Variants in BANP observed in about 807,000 individuals in gnomAD.
BANP encodes BTG3 associated nuclear protein, also known as protein BANP.
BANP carries 11 observed loss-of-function variants against 68.1 expected under a neutral mutation model. The ratio of observed to expected loss-of-function variants is 0.16; its 90% CI spans 0.10 to 0.27. The LOEUF is 0.27. Among genes scored for constraint, BANP ranks in the 10% least tolerant of loss-of-function variants. The probability of loss-of-function intolerance (pLI) is 1.00; values close to 1 mark genes in which losing one functional copy is unlikely to be tolerated. For missense variants in BANP, 504 were observed against 722.7 expected, an observed-to-expected ratio of 0.70 and a Z score of 3.47; for synonymous variants, 329 against 303.2, an observed-to-expected ratio of 1.09 and a Z score of -0.88.
rs1229095012 is a variant in BANP at position 88,036,651 on chromosome 16, G to A, written c.1272+1257G>A. Among the ~76,000 whole-genome samples, 5 of 152,146 alleles carry A rather than the reference G, an allele frequency of 3.3e-5. No individual in the cohort carries two copies. The highest frequency in any genetic ancestry group is 2.1e-4 in the South Asian group (1 of 4,824). ...GAGGATGAGGTGAAAGGGGAGGAAC[G>A]AATTCATGTGGGGGCCGTGAGCGAC... On this transcript the variant is annotated intron_variant, in intron 10 of 13. Coordinates refer to ENST00000682872, the MANE Select transcript of BANP (RefSeq NM_001386991.1). The surrounding 1 kb of genome is among the most constrained non-coding windows in gnomAD (Gnocchi z 4.2).
intron 7 of BANP, among the ~76,000 whole-genome samples, chr16:88,023,813 AG>A (rs2076467799): frequency 6.6e-6 from 1 of 152,236 alleles, no homozygotes; most frequent in African/African-American, 2.4e-5. Context: ...TGGGGACTGC[AG>A]AACAGCTCGC....
In BANP at chr16:88,076,879, GGT is replaced by G. The variant is rs1567964544; in HGVS notation, c.*221_*222del. The G allele has an allele frequency of 1.8e-6, 1 of 548,764 alleles. No individual in the cohort carries two copies. The highest frequency in any genetic ancestry group is 3.2e-6 in the Non-Finnish European group (1 of 311,312). 34.0% of individuals were successfully genotyped at this position (548,764 alleles called of 1,614,324 possible). Reference sequence around the variant, plus strand: ...CCCCTTTCGTTTGAGTCCTGCTGTTGGTGTCGGAGCACGAGGGGAGGCACGGT... The same window carrying G: ...CCCCTTTCGTTTGAGTCCTGCTGTTGGTCGGAGCACGAGGGGAGGCACGGT... On this transcript the variant is annotated 3_prime_UTR_variant, in exon 14 of 14. Transcript: ENST00000682872.
At chr16:88,008,255 G>C (rs1201162097) in intron 6 of BANP, among the ~76,000 whole-genome samples, 4 of 152,086 alleles carry the variant, frequency 2.6e-5, no homozygotes, top group African/African-American at 9.7e-5. Context: ...TGCACTTTTT[G>C]GCTGTTGTCA....
chr16:87,988,541 G>A (rs1356876576), intron 4 of BANP, among the ~76,000 whole-genome samples: 15 of 151,974 alleles, frequency 9.9e-5, no homozygotes, highest in East Asian at 1.9e-4. Flanking sequence ...CTGGGATTAC[G>A]GGTGTGAGCC....
chr16:87,995,209 G>A (rs1003196264), intron 4 of BANP, among the ~76,000 whole-genome samples: 13 of 152,262 alleles, frequency 8.5e-5, no homozygotes, highest in Admixed American at 4.6e-4. Flanking sequence ...ATGTGCGGGG[G>A]CTCCCGGGAC....
chr16:87,987,876 C>T (rs975665855), intron 4 of BANP, among the ~76,000 whole-genome samples: 1 of 151,940 alleles, frequency 6.6e-6, no homozygotes, highest in Non-Finnish European at 1.5e-5. Flanking sequence ...AGCGATTCTC[C>T]CACCTCAGCC....
intron 12 of BANP, among the ~76,000 whole-genome samples, chr16:88,067,869 GATGCTCC>G (rs2089167507): frequency 6.6e-6 from 1 of 152,214 alleles, no homozygotes; most frequent in Non-Finnish European, 1.5e-5. Flanking sequence ...GAACCCTGAC[GATGCTCC>G]CGGCTGAGCC....
chr16:88,009,438 CA>C, intron 6 of BANP, among the ~76,000 whole-genome samples: 1 of 152,330 alleles, frequency 6.6e-6, no homozygotes, highest in Middle Eastern at 3.4e-3. Context: ...TTAAGAATTC[CA>C]AATGGCTTGT....
intron 4 of BANP, among the ~76,000 whole-genome samples, chr16:87,987,606 A>G (rs2064775353): frequency 6.8e-6 from 1 of 147,504 alleles, no homozygotes; most frequent in African/African-American, 2.5e-5. Context: ...ACCCGCCTGT[A>G]ATCTCTTAGG....
At chr16:87,997,644 T>C (rs1280334118) in intron 4 of BANP, among the ~76,000 whole-genome samples, 1 of 148,434 alleles carries the variant, frequency 6.7e-6, no homozygotes, top group African/African-American at 2.5e-5. Flanking sequence ...GTAAAGTGGG[T>C]GAAGTAGCCA....
intron 4 of BANP, among the ~76,000 whole-genome samples, chr16:88,001,769 T>A (rs2152547100): frequency 6.6e-6 from 1 of 152,314 alleles, no homozygotes; most frequent in South Asian, 2.1e-4. Context: ...GTCACTTTTC[T>A]TTTCTTTGAA....
chr16:87,975,572 CATGTG>C (rs1567632861), intron 2 of BANP, among the ~76,000 whole-genome samples: 5 of 136,612 alleles, frequency 3.7e-5, no homozygotes, highest in Admixed American at 7.2e-5. Flanking sequence ...TGTGTAATCC[CATGTG>C]CGGCGTCATG....
intron 4 of BANP, among the ~76,000 whole-genome samples, chr16:87,995,158 G>C (rs2066847916): frequency 6.6e-6 from 1 of 152,236 alleles, no homozygotes; most frequent in South Asian, 2.1e-4. Flanking sequence ...CTGGCCACAG[G>C]GCCGTGTGTG....
rs543749780 is a variant in BANP, at chr16:88,056,433, GTGTT to G, written c.1312-8831_1312-8828del. ...AAGGGCCCAGGACAAGCTGGACAAAGTGTTTGGCTGGGAAGCGTATTCTCTCTCT... is the reference window on the plus strand; with the variant it reads ...AAGGGCCCAGGACAAGCTGGACAAAGTGGCTGGGAAGCGTATTCTCTCTCT... On this transcript the variant is annotated intron_variant, in intron 11 of 13. Coordinates refer to ENST00000682872, the MANE Select transcript of BANP (RefSeq NM_001386991.1). Among the ~76,000 whole-genome samples the G allele has an allele frequency of 5.7e-3, 860 of 151,452 alleles. 11 individuals are homozygous for G. The highest frequency in any genetic ancestry group is 0.02 in the African/African-American group (812 of 41,304).
intron 13 of BANP, among the ~76,000 whole-genome samples, chr16:88,072,720 G>C (rs1287480559): frequency 2.0e-5 from 3 of 152,242 alleles, no homozygotes; most frequent in African/African-American, 7.2e-5. Context: ...GCCCCCGAGG[G>C]TGAGGCCGTG....
chr16:88,050,500 C>G (rs1392170730), intron 11 of BANP, among the ~76,000 whole-genome samples: 1 of 152,076 alleles, frequency 6.6e-6, no homozygotes, highest in African/African-American at 2.4e-5. Flanking sequence ...TTAAGACACA[C>G]ACTTGTTAAT....
At chr16:88,001,837 A>G (rs12447205) in intron 4 of BANP, among the ~76,000 whole-genome samples, 51,439 of 151,690 alleles carry the variant, frequency 0.34, 9,972 homozygotes, top group Non-Finnish European at 0.46. Flanking sequence ...TGGCTGTCGT[A>G]TGCATTTGCA....
Position 88,076,847 on chromosome 16 carries a change from C to A in BANP, c.*186C>A. On this transcript the variant is annotated 3_prime_UTR_variant, in exon 14 of 14. Transcript: ENST00000682872. ...AAAGAGCAGCCGCCGCCGCCCCCAGCCGGAGACCCCTTTCGTTTGAGTCCT... is the reference window on the plus strand; with the variant it reads ...AAAGAGCAGCCGCCGCCGCCCCCAGACGGAGACCCCTTTCGTTTGAGTCCT... 1.7e-6 allele frequency: 1 copy of A among 583,824 alleles called. No individual in the cohort carries two copies. The highest frequency in any genetic ancestry group is 2.9e-5 in the East Asian group (1 of 34,058). The allele number at this position is 583,824 out of a possible 1,614,324, so 36.2% of individuals were successfully genotyped here. A position where few individuals can be genotyped will look rare whatever the true frequency, so the allele number is the denominator to read the frequency against.
chr16:88,006,463 A>G (rs891967876), intron 6 of BANP, among the ~76,000 whole-genome samples, 198 bp downstream of exon 6: 1 of 151,056 alleles, frequency 6.6e-6, no homozygotes, highest in Non-Finnish European at 1.5e-5. Context: ...CCTGGCCAAC[A>G]TGGAGAAACC....
Sources: allele counts gnomAD v4.1 joint callset (sites outside exome capture counted in the v4.1 genomes callset), GRCh38; gene constraint gnomAD v4.1.1; non-coding constraint Gnocchi (gnomAD v3.1); transcripts MANE v1.5; gene names NCBI Gene and HGNC (gene_info 2026-07-23, HGNC 2026-07-21).